OPHN1: variants seen among roughly 807,000 people sequenced by gnomAD.
OPHN1 encodes the protein oligophrenin-1.
OPHN1 carries 11 observed loss-of-function variants against 60.7 expected under a neutral mutation model. The ratio of observed to expected loss-of-function variants is 0.18; its 90% CI spans 0.11 to 0.30. OPHN1 has a LOEUF of 0.30. Ranked by LOEUF, OPHN1 falls within the 10% of genes least tolerant of loss-of-function variation. OPHN1 has a pLI of 1.00. For synonymous variants in OPHN1, 226 were observed against 222.6 expected, an observed-to-expected ratio of 1.02 and a Z score of -0.14; for missense variants, 449 against 611.0, an observed-to-expected ratio of 0.73 and a Z score of 2.80.
At chrX:68,398,442 C>T (rs2078696674) in intron 2 of OPHN1, among the ~76,000 whole-genome samples, 2 of 112,201 alleles carry the variant, frequency 1.8e-5, no homozygotes, top group South Asian at 7.3e-4. Flanking sequence ...TTCTCCAACC[C>T]CTTCTATGTA....
At chrX:68,379,600 T>A (rs1200700378) in intron 2 of OPHN1, among the ~76,000 whole-genome samples, 1 of 107,158 alleles carries the variant, frequency 9.3e-6, no homozygotes, top group East Asian at 2.9e-4. Context: ...TTGAGATACG[T>A]CCCATCAATA....
intron 5 of OPHN1, among the ~76,000 whole-genome samples, chrX:68,269,220 A>G (rs1569264526): frequency 8.9e-6 from 1 of 111,966 alleles, no homozygotes; most frequent in Non-Finnish European, 1.9e-5. Context: ...CTTTCTTCAC[A>G]GAATTGGAAA....
At chrX:68,295,207 G>A (rs896090752) in intron 3 of OPHN1, among the ~76,000 whole-genome samples, 2 of 111,715 alleles carry the variant, frequency 1.8e-5, no homozygotes, top group Non-Finnish European at 3.8e-5. Context: ...ACTATTTAAG[G>A]TCCCTGCCAA....
chrX:68,343,604 C>A (rs1268778305), intron 2 of OPHN1, among the ~76,000 whole-genome samples: 1 of 109,617 alleles, frequency 9.1e-6, no homozygotes, highest in African/African-American at 3.3e-5. Context: ...TGAATTATAT[C>A]TCATTAAAAC....
intron 6 of OPHN1, among the ~76,000 whole-genome samples, chrX:68,217,727 T>C (rs954584241): frequency 9.1e-6 from 1 of 109,405 alleles, no homozygotes; most frequent in Non-Finnish European, 1.9e-5. Flanking sequence ...TCCTCTCTGT[T>C]AGAAGGAAAA....
chrX:68,331,519 G>A (rs1337823899), intron 2 of OPHN1, among the ~76,000 whole-genome samples: 3 of 108,090 alleles, frequency 2.8e-5, no homozygotes, highest in Non-Finnish European at 5.7e-5. Context: ...ATAGCTTGAG[G>A]CTAGAAGTTC....
At chrX:68,221,037 T>G (rs1015715634) in intron 6 of OPHN1, among the ~76,000 whole-genome samples, 6 of 104,440 alleles carry the variant, frequency 5.7e-5, no homozygotes, top group Non-Finnish European at 1.2e-4. Context: ...AAAACCCCAC[T>G]GTTTCAGCCC....
intron 2 of OPHN1, among the ~76,000 whole-genome samples, chrX:68,393,615 C>T (rs1265388764): frequency 9.0e-6 from 1 of 111,367 alleles, no homozygotes; most frequent in Non-Finnish European, 1.9e-5. Flanking sequence ...ACATATCATC[C>T]TTTCCTTTCT....
At chrX:68,132,397 C>T (rs191473266) in intron 15 of OPHN1, among the ~76,000 whole-genome samples, 41 of 107,803 alleles carry the variant, frequency 3.8e-4, no homozygotes, top group African/African-American at 1.4e-3. Flanking sequence ...ATGTCCTTTG[C>T]AGGGACATGG....
At chrX:68,101,681 G>A (rs2077059478) in intron 18 of OPHN1, among the ~76,000 whole-genome samples, 1 of 112,151 alleles carries the variant, frequency 8.9e-6, no homozygotes, top group South Asian at 3.7e-4. Flanking sequence ...AGGTAAAAAT[G>A]AATTATCATT....
chrX:68,408,779 G>C (rs940598449), intron 2 of OPHN1, among the ~76,000 whole-genome samples: 5 of 112,429 alleles, frequency 4.4e-5, no homozygotes, highest in African/African-American at 1.6e-4. Flanking sequence ...CTGGCCAACA[G>C]GGCGAACCTT....
intron 2 of OPHN1, among the ~76,000 whole-genome samples, chrX:68,321,562 A>G (rs2078235302): frequency 1.8e-5 from 2 of 111,772 alleles, no homozygotes; most frequent in African/African-American, 6.5e-5. Context: ...ACAGGAATGG[A>G]AAACCCAAAT....
intron 2 of OPHN1, among the ~76,000 whole-genome samples, chrX:68,317,370 A>AG (rs1477081807): frequency 1.9e-4 from 14 of 75,303 alleles, no homozygotes; most frequent in African/African-American, 8.7e-4. Context: ...AAAGAAAGAA[A>AG]GAAAGAAAGG....
chrX:68,158,286 G>T (rs1016269859), intron 15 of OPHN1, among the ~76,000 whole-genome samples: 2 of 112,630 alleles, frequency 1.8e-5, no homozygotes, highest in African/African-American at 6.4e-5. Flanking sequence ...ACACAGGTAG[G>T]TACTGTGGCT....
chrX:68,298,959 C>T, intron 3 of OPHN1, 42 bp downstream of exon 3: 1 of 842,757 alleles, frequency 1.2e-6, no homozygotes, highest in Non-Finnish European at 1.8e-6. Flanking sequence ...GGTCTCAGGG[C>T]TGCCTCAACA....
chrX:68,380,221 G>T (rs1419155621), intron 2 of OPHN1, among the ~76,000 whole-genome samples: 1 of 111,508 alleles, frequency 9.0e-6, no homozygotes, highest in African/African-American at 3.3e-5. Context: ...TTGCATAGAG[G>T]TGTTTATAGC....
At chrX:68,320,465 T>C (rs2078230169) in intron 2 of OPHN1, among the ~76,000 whole-genome samples, 1 of 111,673 alleles carries the variant, frequency 9.0e-6, no homozygotes, top group Non-Finnish European at 1.9e-5. Context: ...AAAAACTGAA[T>C]TTCTTATTAC....
intron 18 of OPHN1, among the ~76,000 whole-genome samples, chrX:68,102,681 T>A (rs1569212802): frequency 9.0e-6 from 1 of 110,774 alleles, no homozygotes; most frequent in African/African-American, 3.3e-5. Context: ...CAATAAAAAA[T>A]GATAAAGGGG....
chrX:68,284,380 C>T (rs1387349236), intron 3 of OPHN1, among the ~76,000 whole-genome samples: 1 of 110,066 alleles, frequency 9.1e-6, no homozygotes, highest in Non-Finnish European at 1.9e-5. Flanking sequence ...TGAGGTGTGA[C>T]ACACTGACTC....
Sources: allele counts gnomAD v4.1 joint callset (sites outside exome capture counted in the v4.1 genomes callset), GRCh38; gene constraint gnomAD v4.1.1; transcripts MANE v1.5; gene names NCBI Gene and HGNC (gene_info 2026-07-23, HGNC 2026-07-21).